Variants in EPHA5 observed in about 807,000 individuals in gnomAD.
EPHA5 encodes the protein EPH receptor A5, also known as ephrin type-A receptor 5.
In EPHA5, 60 loss-of-function variants were observed where a neutral mutation model predicts 105.0. The observed-to-expected ratio is 0.57, with a 90% CI of 0.46 to 0.71. EPHA5 has a LOEUF of 0.71. EPHA5 is among the 30% of genes least tolerant of loss of function. EPHA5 has a pLI of 0.00. For synonymous variants in EPHA5, 513 were observed against 449.1 expected (o/e 1.14, Z -1.80); for missense variants, 1,218 against 1,274.7 (o/e 0.96, Z 0.68).
In EPHA5 at chr4:65,464,595, T is replaced by C. The variant is rs552374513; in HGVS notation, c.1402+25782A>G. 6.6e-5 allele frequency among the ~76,000 whole-genome samples: 10 copies of C among 152,234 alleles called. No homozygotes were observed. In the South Asian group the frequency reaches 2.1e-3, roughly 32 times the overall value. ...AATAATGTACACATGATAAAGCACA[T>C]TTATTAAAATCATTTTAAAAATAAA... On this transcript the variant is annotated intron_variant, in intron 5 of 16. Transcript: ENST00000613740.
intron 2 of EPHA5, among the ~76,000 whole-genome samples, chr4:65,615,856 C>A (rs79243656): frequency 6.6e-6 from 1 of 151,822 alleles, no homozygotes; most frequent in East Asian, 1.9e-4. Context: ...TAAAATGGTA[C>A]AGGCACATGG....
At position 65,652,203 on chromosome 4, in the gene EPHA5, T is replaced by C. The variant is rs192005173; in HGVS notation, c.182-8776A>G. ...TGTTTCTTTCAAAAACAAAACATTG[T>C]CAAGTCCTCACTACTGGAAATAAAT... On this transcript the variant is annotated intron_variant, in intron 1 of 16. Coordinates refer to ENST00000613740, the MANE Select transcript of EPHA5 (RefSeq NM_001281766.3). Among the ~76,000 whole-genome samples the C allele has an allele frequency of 2.0e-5, 3 of 152,260 alleles. No individual in the cohort carries two copies. The East Asian group carries it at 5.8e-4, about 29-fold the overall frequency.
chr4:65,396,699 C>T (rs1721275366), intron 8 of EPHA5, among the ~76,000 whole-genome samples: 1 of 152,104 alleles, frequency 6.6e-6, no homozygotes, highest in South Asian at 2.1e-4. Context: ...GATGAAAATC[C>T]CACTGCCTTC....
At chr4:65,580,493 C>T (rs1446279963) in intron 3 of EPHA5, among the ~76,000 whole-genome samples, 1 of 151,762 alleles carries the variant, frequency 6.6e-6, no homozygotes, top group Non-Finnish European at 1.5e-5. Context: ...CCAGAAAACC[C>T]ATTTTGAAAA....
At chr4:65,458,970 A>G (rs1275295256) in intron 5 of EPHA5, among the ~76,000 whole-genome samples, 1 of 152,092 alleles carries the variant, frequency 6.6e-6, no homozygotes, top group Non-Finnish European at 1.5e-5. Context: ...GCTTAGTCAC[A>G]CAGTGATGAT....
intron 3 of EPHA5, among the ~76,000 whole-genome samples, chr4:65,585,926 T>C (rs1742077994): frequency 1.3e-5 from 2 of 151,692 alleles, no homozygotes; most frequent in South Asian, 4.1e-4. Context: ...AGCCTTACTT[T>C]TTTTTCTACG....
At chr4:65,547,808 T>C (rs1737528044) in intron 3 of EPHA5, among the ~76,000 whole-genome samples, 1 of 151,950 alleles carries the variant, frequency 6.6e-6, no homozygotes, top group Non-Finnish European at 1.5e-5. Context: ...GGGTCACAGT[T>C]AAATATTATT....
intron 3 of EPHA5, among the ~76,000 whole-genome samples, chr4:65,538,540 T>C (rs1250861240): frequency 6.6e-6 from 1 of 151,780 alleles, no homozygotes; most frequent in Non-Finnish European, 1.5e-5. Flanking sequence ...AGCTAATACA[T>C]TGGCTAGTTT....
intron 3 of EPHA5, among the ~76,000 whole-genome samples, chr4:65,579,283 A>G (rs1741364714): frequency 6.7e-6 from 1 of 150,082 alleles, no homozygotes; most frequent in Admixed American, 6.7e-5. Flanking sequence ...AGAATGACTG[A>G]ATAACTCGAA....
intron 3 of EPHA5, among the ~76,000 whole-genome samples, chr4:65,577,442 T>C (rs539465650): frequency 6.6e-6 from 1 of 152,300 alleles, no homozygotes; most frequent in Admixed American, 6.5e-5. Flanking sequence ...TGCTTTATTA[T>C]GTGTAATGTA....
intron 8 of EPHA5, among the ~76,000 whole-genome samples, chr4:65,381,155 A>C (rs1719522691): frequency 6.6e-6 from 1 of 151,354 alleles, no homozygotes. Flanking sequence ...GAGCTATATT[A>C]TTATAATGTA....
intron 5 of EPHA5, among the ~76,000 whole-genome samples, chr4:65,429,466 A>G (rs1724772557): frequency 6.6e-6 from 1 of 152,030 alleles, no homozygotes. Context: ...CTAAGTCACT[A>G]ACAGTAACAA....
At chr4:65,373,083 G>C (rs911434706) in intron 8 of EPHA5, among the ~76,000 whole-genome samples, 7 of 151,954 alleles carry the variant, frequency 4.6e-5, no homozygotes, top group African/African-American at 1.7e-4. Context: ...TTATTCTAAT[G>C]CTAGAGTACG....
chr4:65,370,255 G>A (rs989225824), intron 8 of EPHA5, among the ~76,000 whole-genome samples: 10 of 152,156 alleles, frequency 6.6e-5, no homozygotes, highest in African/African-American at 1.9e-4. Context: ...ATTGTATTTT[G>A]TCTTTCAAGC....
intron 11 of EPHA5, among the ~76,000 whole-genome samples, chr4:65,353,924 T>A (rs1451179): frequency 0.64 from 96,350 of 151,452 alleles, 31,462 homozygotes; most frequent in East Asian, 0.81. Context: ...TTAATTATGA[T>A]GAAAATGGTT....
intron 5 of EPHA5, among the ~76,000 whole-genome samples, chr4:65,456,636 G>T (rs1021068753): frequency 6.6e-6 from 1 of 151,922 alleles, no homozygotes; most frequent in African/African-American, 2.4e-5. Context: ...AACATAAAAG[G>T]TGCATGAGAA....
At chr4:65,367,200 G>A (rs765522090) in intron 9 of EPHA5, among the ~76,000 whole-genome samples, 157 bp downstream of exon 9, 8 of 148,786 alleles carry the variant, frequency 5.4e-5, no homozygotes, top group African/African-American at 1.5e-4. Flanking sequence ...ACCCAAGCCC[G>A]TATTCTTTAC....
At chr4:65,428,376 G>A (rs1454907305) in intron 5 of EPHA5, among the ~76,000 whole-genome samples, 1 of 151,940 alleles carries the variant, frequency 6.6e-6, no homozygotes, top group Admixed American at 6.6e-5. Flanking sequence ...TGTTGGGCCA[G>A]GAAAAGTAAC....
intron 3 of EPHA5, among the ~76,000 whole-genome samples, chr4:65,572,483 G>T (rs1202138572): frequency 6.6e-6 from 1 of 151,936 alleles, no homozygotes; most frequent in Non-Finnish European, 1.5e-5. Context: ...AATCATCCCA[G>T]TCATCTACAA....
Sources: allele counts gnomAD v4.1 joint callset (sites outside exome capture counted in the v4.1 genomes callset), GRCh38; gene constraint gnomAD v4.1.1; transcripts MANE v1.5; gene names NCBI Gene and HGNC (gene_info 2026-07-23, HGNC 2026-07-21).